KDM5A: variants seen among roughly 807,000 people sequenced by gnomAD.
The protein encoded by KDM5A is lysine-specific demethylase 5A.
A neutral mutation model predicts 193.5 loss-of-function variants in KDM5A; 42 were observed. That is an observed-to-expected ratio of 0.22 (90% CI 0.17 to 0.28). The LOEUF is 0.28. KDM5A is among the 10% of genes least tolerant of loss of function. The pLI, the probability that KDM5A is intolerant of heterozygous loss-of-function variation, is 1.00. For missense variants in KDM5A, 1,692 were observed against 2,055.1 expected (o/e 0.82, Z 3.42); for synonymous variants, 796 against 718.1 (o/e 1.11, Z -1.73).
intron 16 of KDM5A, 130 bp downstream of exon 16, chr12:322,952 C>G: frequency 8.5e-7 from 1 of 1,175,198 alleles, no homozygotes. Flanking sequence ...TCAATCAACC[C>G]ATTAATCTCA....
At chr12:375,425 T>C (rs1006297161) in intron 3 of KDM5A, among the ~76,000 whole-genome samples, 7 of 152,216 alleles carry the variant, frequency 4.6e-5, no homozygotes, top group African/African-American at 1.7e-4. Flanking sequence ...TTCAGCTCCA[T>C]CAGGTCATTT....
At position 323,210 on chromosome 12, in the gene KDM5A, C is replaced by CAGAAAAAAAAAA. The variant is rs1943741637; in HGVS notation, c.2151-5_2151-4insTTTTTTTTTTCT. 3.8e-6 allele frequency: 1 copy of CAGAAAAAAAAAA among 265,278 alleles called. No individual in the cohort carries two copies. Among genetic ancestry groups the CAGAAAAAAAAAA allele is most frequent in the African/African-American group, 7.3e-5 (1 of 13,676 alleles). 16.4% of individuals were successfully genotyped at this position (265,278 alleles called of 1,614,324 possible). ...GTCTTCTAATGGGTAGCGATATCTA[C>CAGAAAAAAAAAA]AAAAAAAAAAAAAAAAAAAAAAAAA... On this transcript the variant is annotated splice_polypyrimidine_tract_variant and splice_region_variant and intron_variant, in intron 15 of 27. Coordinates refer to ENST00000399788, the MANE Select transcript of KDM5A (RefSeq NM_001042603.3).
intron 25 of KDM5A, 84 bp from the exon 26 acceptor site, chr12:295,877 G>C (rs77854644): frequency 1.2e-5 from 13 of 1,118,506 alleles, no homozygotes; most frequent in Non-Finnish European, 1.6e-5. Flanking sequence ...ATTGAGACTA[G>C]CCCCCCATCC....
intron 21 of KDM5A, 32 bp from the exon 22 acceptor site, chr12:309,996 G>A (rs768087544): frequency 6.2e-7 from 1 of 1,604,676 alleles, no homozygotes; most frequent in East Asian, 2.2e-5. Flanking sequence ...TATAAACTCT[G>A]GTTTTGAAAA....
chr12:306,893 TAAA>T, intron 24 of KDM5A, 50 bp downstream of exon 24: 1 of 1,546,124 alleles, frequency 6.5e-7, no homozygotes, highest in Non-Finnish European at 8.9e-7. Flanking sequence ...TTTTTTTTTT[TAAA>T]CAAACCCAAT....
chr12:349,121 A>G (rs1335402878), intron 10 of KDM5A, among the ~76,000 whole-genome samples: 1 of 151,378 alleles, frequency 6.6e-6, no homozygotes, highest in African/African-American at 2.4e-5. Context: ...CCTGGATTCA[A>G]GTGATTATCC....
At chr12:348,557 T>C (rs898128897) in intron 10 of KDM5A, among the ~76,000 whole-genome samples, 5 of 152,304 alleles carry the variant, frequency 3.3e-5, no homozygotes, top group Non-Finnish European at 5.9e-5. Context: ...GTGGCACATA[T>C]ACACCATGGA....
chr12:357,223 G>T (rs1400664966), intron 5 of KDM5A, among the ~76,000 whole-genome samples: 1 of 151,942 alleles, frequency 6.6e-6, no homozygotes, highest in African/African-American at 2.4e-5. Context: ...GAGGCAGTGA[G>T]GCGAGATCAC....
intron 14 of KDM5A, among the ~76,000 whole-genome samples, chr12:324,895 T>C (rs1167187401): frequency 1.3e-5 from 2 of 150,798 alleles, no homozygotes; most frequent in Non-Finnish European, 3.0e-5. Context: ...AAAAAAAGAA[T>C]GTAAGAGCAT....
At chr12:320,632 T>C (rs1164510301) in intron 18 of KDM5A, among the ~76,000 whole-genome samples, 6 of 152,202 alleles carry the variant, frequency 3.9e-5, no homozygotes, top group Non-Finnish European at 5.9e-5. Context: ...AGATTTTACA[T>C]ATTCATTAAG....
intron 14 of KDM5A, among the ~76,000 whole-genome samples, chr12:326,849 A>G (rs1943793083): frequency 7.7e-6 from 1 of 129,668 alleles, no homozygotes; most frequent in African/African-American, 2.9e-5. Flanking sequence ...TGGGTGACAG[A>G]GCTAGACTCT....
intron 10 of KDM5A, among the ~76,000 whole-genome samples, chr12:346,685 A>T (rs1022336253): frequency 6.6e-6 from 1 of 152,226 alleles, no homozygotes; most frequent in South Asian, 2.1e-4. Context: ...ATCTCAATAG[A>T]TGCAGAAAAG....
intron 9 of KDM5A, among the ~76,000 whole-genome samples, chr12:351,086 A>AT (rs113739476): frequency 6.6e-6 from 1 of 152,196 alleles, no homozygotes; most frequent in Non-Finnish European, 1.5e-5. Flanking sequence ...GCAAGATTAA[A>AT]TTTTTTTAAT....
intron 26 of KDM5A, among the ~76,000 whole-genome samples, chr12:295,107 C>T (rs919991781): frequency 1.8e-4 from 27 of 152,080 alleles, no homozygotes; most frequent in Admixed American, 1.0e-3. Flanking sequence ...TTGTTCTAAA[C>T]GGGATGGTTA....
chr12:297,792 G>A (rs1285527462), intron 24 of KDM5A, among the ~76,000 whole-genome samples: 11 of 152,178 alleles, frequency 7.2e-5, no homozygotes, highest in Non-Finnish European at 1.2e-4. Context: ...GGTCTGGTGA[G>A]TTACTCCATA....
At chr12:333,230 G>A in intron 12 of KDM5A, 2 of 484,580 alleles carry the variant, frequency 4.1e-6, no homozygotes, top group Non-Finnish European at 7.5e-6. Context: ...ACCAACCTGG[G>A]CAACACAATA....
rs57223749 is a variant in KDM5A, at chr12:360,273, T to TA, written c.672+2689dup. Among the ~76,000 whole-genome samples, 425 of 147,490 alleles carry TA rather than the reference T, an allele frequency of 2.9e-3. 16 individuals carry two copies. The East Asian group carries it at 0.069, about 24-fold the overall frequency. On this transcript the variant is annotated intron_variant, in intron 5 of 27. Transcript: ENST00000399788. ...TGGGAGTTACAGCAAGACTCTGTCT[T>TA]AAAAAAAAAAGACAAGATTTGAGAG... is the stretch of plus-strand genomic sequence containing the variant.
chr12:319,254 C>A (rs1185352864), intron 18 of KDM5A, among the ~76,000 whole-genome samples: 1 of 152,028 alleles, frequency 6.6e-6, no homozygotes, highest in Non-Finnish European at 1.5e-5. Context: ...AAATGTCAGA[C>A]GAGCAAAAGA....
chr12:374,956 G>A (rs7487555), intron 3 of KDM5A, among the ~76,000 whole-genome samples: 10,723 of 152,150 alleles, frequency 0.07, 848 homozygotes, highest in East Asian at 0.35. Flanking sequence ...CTGTTAGTCT[G>A]ATGGGCTTCC....
Sources: gnomAD v4.1 joint callset for allele counts (sites outside exome capture counted in the v4.1 genomes callset) on GRCh38, gnomAD v4.1.1 for gene constraint, MANE v1.5 for transcripts, NCBI Gene and HGNC (gene_info 2026-07-23, HGNC 2026-07-21) for gene names.